Variants in CFAP20DC observed in about 807,000 individuals in gnomAD.
The protein encoded by CFAP20DC is CFAP20 domain containing, also known as protein CFAP20DC.
Under a neutral mutation model 101.7 loss-of-function variants are expected in CFAP20DC, and 84 were observed. That is an observed-to-expected ratio of 0.83 (90% CI 0.69 to 0.99). The LOEUF (loss-of-function observed/expected upper bound fraction) is 0.99, where lower values mean the gene tolerates loss of function less well. CFAP20DC is among the 50% of genes least tolerant of loss of function. The pLI is 0.00. For missense variants in CFAP20DC, 1,007 were observed against 970.3 expected (o/e 1.04, Z -0.50); for synonymous variants, 359 against 351.2 (o/e 1.02, Z -0.25).
rs2093310412 is a variant in CFAP20DC, at chr3:59,001,506, G to T, written c.278+38051C>A. On this transcript the variant is annotated intron_variant, in intron 4 of 16. Transcript: ENST00000482387. The surrounding 1 kb of genome is among the most constrained non-coding windows in gnomAD (Gnocchi z 4.5). The stretch of plus-strand genomic sequence containing the variant: ...ATCTCACCCCAACCTCCGCCTCCCA[G>T]GTTCAAGTGATTCTCCTGCCTCAGC... 1.3e-5 allele frequency among the ~76,000 whole-genome samples: 2 copies of T among 152,178 alleles called. No homozygotes were observed. Among genetic ancestry groups the T allele is most frequent in the South Asian group, 4.1e-4 (2 of 4,830 alleles).
At chr3:58,815,634 T>A (rs1195005901) in intron 14 of CFAP20DC, among the ~76,000 whole-genome samples, 1 of 151,298 alleles carries the variant, frequency 6.6e-6, no homozygotes, top group East Asian at 1.9e-4. Context: ...ATATCCAGAA[T>A]CTACAATGAA....
chr3:59,014,469 A>G lies in CFAP20DC; in HGVS notation c.278+25088T>C, dbSNP rs1039515324. Among the ~76,000 whole-genome samples, 10 of 152,168 alleles carry G rather than the reference A, an allele frequency of 6.6e-5. No homozygotes were observed. Among genetic ancestry groups the G allele is most frequent in the Non-Finnish European group, 2.9e-5 (2 of 68,018 alleles). On this transcript the variant is annotated intron_variant, in intron 4 of 16. Coordinates refer to ENST00000482387, the MANE Select transcript of CFAP20DC (RefSeq NM_001394063.1). This position sits in a 1 kb window ranked among gnomAD's most constrained non-coding sequence, Gnocchi z 4.9. ...ATAATCCAAATAGTGTTGTCAATTC[A>G]TAGGGATATCAAGCTCAGACTCACA...
intron 6 of CFAP20DC, among the ~76,000 whole-genome samples, chr3:58,904,214 T>C (rs1445236452): frequency 3.3e-5 from 5 of 152,144 alleles, no homozygotes; most frequent in Admixed American, 6.5e-5. Context: ...TATTCCTAGG[T>C]AGTTAACTAT....
At chr3:58,807,686 C>A (rs529191727) in intron 14 of CFAP20DC, among the ~76,000 whole-genome samples, 1 of 152,202 alleles carries the variant, frequency 6.6e-6, no homozygotes, top group Non-Finnish European at 1.5e-5. Context: ...GAACGCAGTT[C>A]CTCAGCAACG....
chr3:58,775,589 AG>A (rs1451634865), intron 15 of CFAP20DC, among the ~76,000 whole-genome samples: 1 of 152,188 alleles, frequency 6.6e-6, no homozygotes, highest in Non-Finnish European at 1.5e-5. Flanking sequence ...GTTTTCTTAA[AG>A]GGAAGTGGAA....
chr3:58,737,689 C>A (rs1364648885), downstream of CFAP20DC, among the ~76,000 whole-genome samples: 2 of 152,142 alleles, frequency 1.3e-5, no homozygotes, highest in Non-Finnish European at 2.9e-5. This position sits in a 1 kb window ranked among gnomAD's most constrained non-coding sequence, Gnocchi z 4.1. Flanking sequence ...CATTTATTAA[C>A]ATTTAGTGGA....
At chr3:58,843,726 T>G (rs1332637054) in intron 13 of CFAP20DC, among the ~76,000 whole-genome samples, 3 of 149,794 alleles carry the variant, frequency 2.0e-5, no homozygotes, top group African/African-American at 7.4e-5. Flanking sequence ...TTCACCAAAG[T>G]TGAAATGAAG....
At chr3:58,972,334 T>C (rs1409361452) in intron 4 of CFAP20DC, among the ~76,000 whole-genome samples, 1 of 152,142 alleles carries the variant, frequency 6.6e-6, no homozygotes, top group African/African-American at 2.4e-5. Context: ...AGCATTCTAA[T>C]AGATGCTACA....
intron 13 of CFAP20DC, among the ~76,000 whole-genome samples, chr3:58,846,462 G>T (rs1324133537): frequency 6.6e-6 from 1 of 151,994 alleles, no homozygotes; most frequent in Non-Finnish European, 1.5e-5. Flanking sequence ...TACAAGGGAT[G>T]TGAAGGACCT....
rs116637548 is a variant in CFAP20DC at position 58,832,659 on chromosome 3, T to C, written c.1972-770A>G. 2.1e-3 allele frequency among the ~76,000 whole-genome samples: 320 copies of C among 152,288 alleles called. 3 individuals carry two copies. The highest frequency in any genetic ancestry group is 7.5e-3 in the African/African-American group (310 of 41,576). On this transcript the variant is annotated intron_variant, in intron 13 of 16. Coordinates refer to ENST00000482387, the MANE Select transcript of CFAP20DC (RefSeq NM_001394063.1). ...AGTTCTGAAAGCCTGGAAGATCTCA[T>C]AGCTCCAACCAAGGTGGATTTACTG...
chr3:58,942,663 C>T (rs576250904), intron 4 of CFAP20DC, among the ~76,000 whole-genome samples: 20 of 152,316 alleles, frequency 1.3e-4, no homozygotes, highest in South Asian at 2.1e-4. Flanking sequence ...GGGCAGACAT[C>T]GAGCTAGCTG....
intron 6 of CFAP20DC, among the ~76,000 whole-genome samples, chr3:58,889,064 T>A (rs1259853103): frequency 1.3e-5 from 2 of 152,222 alleles, no homozygotes; most frequent in African/African-American, 2.4e-5. Flanking sequence ...ATTCAACATG[T>A]TATCAATATT....
intron 3 of CFAP20DC, among the ~76,000 whole-genome samples, chr3:59,041,366 C>T (rs1317673270): frequency 6.6e-6 from 1 of 151,862 alleles, no homozygotes; most frequent in Non-Finnish European, 1.5e-5. Flanking sequence ...CCCCAGTTTC[C>T]AAAACGTTTC....
intron 14 of CFAP20DC, chr3:58,824,513 G>A (rs1337874327): frequency 6.6e-6 from 1 of 152,118 alleles, no homozygotes; most frequent in African/African-American, 2.4e-5. Context: ...ATTTTGGGGT[G>A]AGGGAGCGAA....
chr3:59,008,117 G>C (rs905138126), intron 4 of CFAP20DC, among the ~76,000 whole-genome samples: 2 of 152,108 alleles, frequency 1.3e-5, no homozygotes, highest in African/African-American at 4.8e-5. Context: ...CAGGGTGAGT[G>C]CAGCCCCACA....
intron 13 of CFAP20DC, among the ~76,000 whole-genome samples, chr3:58,833,912 A>T (rs2076564718): frequency 6.6e-6 from 1 of 152,144 alleles, no homozygotes; most frequent in Non-Finnish European, 1.5e-5. Flanking sequence ...GAACTTTGAA[A>T]ATATTATGCT....
Position 58,787,230 on chromosome 3 carries a change from A to G in CFAP20DC, c.2237+19165T>C, listed in dbSNP as rs528419734. Among the ~76,000 whole-genome samples the G allele has an allele frequency of 2.2e-3, 329 of 151,532 alleles. 5 individuals are homozygous for G. The highest frequency in any genetic ancestry group is 7.6e-3 in the African/African-American group (313 of 41,372). On this transcript the variant is annotated intron_variant, in intron 15 of 16. Transcript: ENST00000482387. ...TCCAATTCATCATTCTCAGTAAACT[A>G]TCGCAAGAACAAAAAACCAAACACT... is the stretch of plus-strand genomic sequence containing the variant.
intron 15 of CFAP20DC, among the ~76,000 whole-genome samples, chr3:58,802,829 T>C (rs1015757459): frequency 5.3e-5 from 8 of 152,188 alleles, no homozygotes; most frequent in African/African-American, 1.9e-4. Flanking sequence ...TGCTTATGGA[T>C]TGCATATTGT....
chr3:58,771,054 T>C (rs2070796186), intron 15 of CFAP20DC, among the ~76,000 whole-genome samples: 1 of 152,130 alleles, frequency 6.6e-6, no homozygotes, highest in Non-Finnish European at 1.5e-5. Context: ...ATATACACCA[T>C]GGAATACTAT....
Sources: gnomAD v4.1 joint callset for allele counts (sites outside exome capture counted in the v4.1 genomes callset) on GRCh38, gnomAD v4.1.1 for gene constraint, Gnocchi (gnomAD v3.1) non-coding constraint, MANE v1.5 for transcripts, NCBI Gene and HGNC (gene_info 2026-07-23, HGNC 2026-07-21) for gene names.